MAPK10: variants seen among roughly 807,000 people sequenced by gnomAD.
MAPK10 encodes the protein JNK3 alpha protein kinase.
Under a neutral mutation model 59.3 loss-of-function variants are expected in MAPK10, and 25 were observed. The ratio of observed to expected loss-of-function variants is 0.42; its 90% CI spans 0.31 to 0.59. The LOEUF (loss-of-function observed/expected upper bound fraction) is 0.59, where lower values mean the gene tolerates loss of function less well. Among genes scored for constraint, MAPK10 ranks in the 20% least tolerant of loss-of-function variants. The pLI is 0.15. For synonymous variants in MAPK10, 190 were observed against 200.5 expected, an observed-to-expected ratio of 0.95 and a Z score of 0.44; for missense variants, 351 against 568.9, an observed-to-expected ratio of 0.62 and a Z score of 3.90.
rs148000432 is a variant in MAPK10 at position 86,118,579 on chromosome 4, T to TACAC, written c.237-11231_237-11228dup. ...TTGTATGTATTTATATAAATACACA[T>TACAC]ACACACACACACACACACACACACA... On this transcript the variant is annotated intron_variant, in intron 4 of 13. Transcript: ENST00000641462. 3.6e-3 allele frequency among the ~76,000 whole-genome samples: 524 copies of TACAC among 146,352 alleles called. 3 individuals carry two copies. The highest frequency in any genetic ancestry group is 0.011 in the African/African-American group (444 of 38,968).
intron 3 of MAPK10, among the ~76,000 whole-genome samples, chr4:86,170,016 A>G (rs1562611830): frequency 1.3e-5 from 2 of 152,166 alleles, no homozygotes; most frequent in African/African-American, 2.4e-5. Flanking sequence ...AAATGCTGAG[A>G]TTTTGTCACC....
intron 2 of MAPK10, among the ~76,000 whole-genome samples, chr4:86,222,332 CAGG>C (rs1413649399): frequency 2.0e-5 from 3 of 152,226 alleles, no homozygotes; most frequent in East Asian, 3.9e-4. Context: ...ATCCAAATGC[CAGG>C]AGTTTTGCTT....
intron 1 of MAPK10, among the ~76,000 whole-genome samples, chr4:86,545,978 C>T (rs575460821): frequency 2.6e-5 from 4 of 152,126 alleles, no homozygotes; most frequent in Admixed American, 1.3e-4. Context: ...GGGCCAGGTG[C>T]GGTGGCTCAC....
chr4:86,180,940 A>G, intron 3 of MAPK10, among the ~76,000 whole-genome samples: 1 of 152,084 alleles, frequency 6.6e-6, no homozygotes. Context: ...ACAGCACTGT[A>G]GGGTGACTAT....
rs948469783 is a variant in MAPK10, at chr4:86,057,033, G to A, written c.1110+7233C>T. Among the ~76,000 whole-genome samples the A allele has an allele frequency of 1.8e-4, 26 of 148,020 alleles. 2 individuals carry two copies. Among genetic ancestry groups the A allele is most frequent in the African/African-American group, 4.3e-4 (17 of 39,148 alleles). On this transcript the variant is annotated intron_variant, in intron 11 of 13. Coordinates refer to ENST00000641462, the MANE Select transcript of MAPK10 (RefSeq NM_138982.4). ...GGCTGGAGTGCAGTGGTGCGATCTC[G>A]GCTCACTGCAACTTCTGTCTCCCGG...
intron 2 of MAPK10, among the ~76,000 whole-genome samples, chr4:86,351,882 C>T (rs1233981733): frequency 6.6e-6 from 1 of 152,108 alleles, no homozygotes; most frequent in African/African-American, 2.4e-5. Flanking sequence ...AAAGACACAT[C>T]TCAAAAAGAT....
At chr4:86,331,587 T>G (rs574634362) in intron 2 of MAPK10, among the ~76,000 whole-genome samples, 12 of 152,306 alleles carry the variant, frequency 7.9e-5, no homozygotes, top group Admixed American at 5.2e-4. Flanking sequence ...CAGCGCACCA[T>G]GAGAGCACAA....
intron 2 of MAPK10, among the ~76,000 whole-genome samples, chr4:86,206,917 TTGG>T (rs2084199190): frequency 6.6e-6 from 1 of 152,196 alleles, no homozygotes; most frequent in African/African-American, 2.4e-5. Flanking sequence ...TGTAAATTTG[TTGG>T]AGTTCATTGT....
chr4:86,581,647 A>G (rs955401210), intron 1 of MAPK10, among the ~76,000 whole-genome samples: 1 of 149,860 alleles, frequency 6.7e-6, no homozygotes, highest in African/African-American at 2.4e-5. Flanking sequence ...GTTGTTTTGT[A>G]TAACTAAGCT....
chr4:86,301,413 GAA>G, intron 2 of MAPK10, among the ~76,000 whole-genome samples: 1 of 144,980 alleles, frequency 6.9e-6, no homozygotes, highest in African/African-American at 2.5e-5. Flanking sequence ...CCACTAGCTA[GAA>G]AAAAAAAAAT....
At chr4:86,243,032 C>T (rs2092844484) in intron 2 of MAPK10, among the ~76,000 whole-genome samples, 1 of 152,220 alleles carries the variant, frequency 6.6e-6, no homozygotes, top group Admixed American at 6.5e-5. Flanking sequence ...GTAGCGCGCT[C>T]ACTCACTGCC....
At chr4:86,064,439 A>C in intron 10 of MAPK10, 49 bp from the exon 11 acceptor site, 2 of 1,595,008 alleles carry the variant, frequency 1.3e-6, no homozygotes, top group Non-Finnish European at 1.7e-6. Context: ...GATTTCAGTA[A>C]GGAAATTTGT....
intron 1 of MAPK10, among the ~76,000 whole-genome samples, chr4:86,560,133 C>G (rs1760562870): frequency 6.6e-6 from 1 of 152,062 alleles, no homozygotes; most frequent in Non-Finnish European, 1.5e-5. Context: ...TAAATTAAAT[C>G]ATGGTGAACT....
chr4:86,083,175 A>G (rs957246866), intron 9 of MAPK10, among the ~76,000 whole-genome samples: 1 of 152,108 alleles, frequency 6.6e-6, no homozygotes, highest in African/African-American at 2.4e-5. Flanking sequence ...AGGCTCCACC[A>G]ATCATCCCCC....
At chr4:86,300,051 C>T (rs2095440169) in intron 2 of MAPK10, among the ~76,000 whole-genome samples, 2 of 151,960 alleles carry the variant, frequency 1.3e-5, no homozygotes, top group Admixed American at 1.3e-4. Context: ...CACCACCACA[C>T]CTGGCTATTT....
chr4:86,253,516 G>T (rs1464458680), intron 2 of MAPK10, among the ~76,000 whole-genome samples: 1 of 79,812 alleles, frequency 1.3e-5, no homozygotes, highest in Admixed American at 1.2e-4. Context: ...GCATCCCAGG[G>T]ATGAAGCCCA....
intron 9 of MAPK10, among the ~76,000 whole-genome samples, chr4:86,084,313 A>G (rs1377329429): frequency 6.6e-6 from 1 of 152,246 alleles, no homozygotes; most frequent in Non-Finnish European, 1.5e-5. Context: ...GAAGAAGTCA[A>G]GTAACTCTTG....
At chr4:86,572,090 T>G (rs1329153867) in intron 1 of MAPK10, among the ~76,000 whole-genome samples, 1 of 152,160 alleles carries the variant, frequency 6.6e-6, no homozygotes, top group East Asian at 1.9e-4. Flanking sequence ...ACACAATTCT[T>G]ATTTTGTAGT....
intron 1 of MAPK10, among the ~76,000 whole-genome samples, chr4:86,443,889 G>T (rs1297436884): frequency 6.6e-6 from 1 of 152,140 alleles, no homozygotes; most frequent in Non-Finnish European, 1.5e-5. Context: ...AAGAATAGAT[G>T]CGTAATATAA....
Sources: gnomAD v4.1 joint callset for allele counts (sites outside exome capture counted in the v4.1 genomes callset) on GRCh38, gnomAD v4.1.1 for gene constraint, MANE v1.5 for transcripts, NCBI Gene and HGNC (gene_info 2026-07-23, HGNC 2026-07-21) for gene names.